The following MICOS10 variants were observed in gnomAD, a reference collection of about 807,000 sequenced individuals.
MICOS10 encodes mitochondrial contact site and cristae organizing system subunit 10.
In MICOS10, 5 loss-of-function variants were observed where a neutral mutation model predicts 13.4. The ratio of observed to expected loss-of-function variants is 0.37; its 90% confidence interval spans 0.20 to 0.78. The LOEUF (loss-of-function observed/expected upper bound fraction) is 0.78, where lower values mean the gene tolerates loss of function less well. MICOS10 is among the 30% of genes least tolerant of loss of function. The pLI, the probability that MICOS10 is intolerant of heterozygous loss-of-function variation, is 0.47. For missense variants in MICOS10, 101 were observed against 94.6 expected, an observed-to-expected ratio of 1.07 and a Z score of -0.28; for synonymous variants, 35 against 33.6, an observed-to-expected ratio of 1.04 and a Z score of -0.15.
At position 19,605,258 on chromosome 1, in the gene MICOS10, T is replaced by A. The variant is rs372710966; in HGVS notation, c.64+8149T>A. Among the ~76,000 whole-genome samples, 9 of 152,216 alleles carry A rather than the reference T, an allele frequency of 5.9e-5. 1 individual carries two copies. Among genetic ancestry groups the A allele is most frequent in the East Asian group, 5.8e-4 (3 of 5,196 alleles). ...AGGAAGTTGTGGAGATTTTTTAAACTACTTTGTTGAGATATATTTCATGGC... is the reference window on the plus strand; with the variant it reads ...AGGAAGTTGTGGAGATTTTTTAAACAACTTTGTTGAGATATATTTCATGGC... On this transcript the variant is annotated intron_variant, in intron 1 of 3. Transcript: ENST00000322753.
intron 3 of MICOS10, 184 bp downstream of exon 3, chr1:19,623,767 G>T (rs909421443): frequency 1.8e-6 from 1 of 545,006 alleles, no homozygotes; most frequent in Admixed American, 3.2e-5. Context: ...AGTCTCCCCT[G>T]TGCCTTCAGA....
chr1:19,599,212 A>G (rs1412676540), intron 1 of MICOS10, among the ~76,000 whole-genome samples: 1 of 152,076 alleles, frequency 6.6e-6, no homozygotes, highest in Non-Finnish European at 1.5e-5. Flanking sequence ...GTGTGCCACC[A>G]TGCTCAACTA....
At chr1:19,601,056 G>A (rs1345361490) in intron 1 of MICOS10, 5 of 1,248,332 alleles carry the variant, frequency 4.0e-6, no homozygotes, top group African/African-American at 1.5e-5. Context: ...CCTGTTTGCT[G>A]TACGATGACT....
intron 3 of MICOS10, chr1:19,625,372 C>A (rs2094918188): frequency 7.8e-7 from 1 of 1,288,168 alleles, no homozygotes; most frequent in Non-Finnish European, 1.0e-6. Flanking sequence ...CCTGCCACGG[C>A]CCTGCACCTG....
intron 3 of MICOS10, 160 bp downstream of exon 3, chr1:19,623,743 T>TGAAG: frequency 1.7e-6 from 1 of 582,952 alleles, no homozygotes; most frequent in Non-Finnish European, 3.0e-6. Context: ...ATGTCATCAC[T>TGAAG]GCTTTGGTGC....
intron 1 of MICOS10, among the ~76,000 whole-genome samples, chr1:19,618,601 G>A (rs1474890333): frequency 6.6e-6 from 1 of 152,154 alleles, no homozygotes; most frequent in Non-Finnish European, 1.5e-5. Context: ...GGCTGGGTAG[G>A]GTTGACTAAT....
At position 19,625,476 on chromosome 1, in the gene MICOS10, A is replaced by C. The variant is rs1205763953; in HGVS notation, c.223-911A>C. 5.4e-6 allele frequency: 7 copies of C among 1,289,326 alleles called. No homozygotes were observed. The Admixed American group carries it at 1.6e-4, about 30-fold the overall frequency. 79.9% of individuals were successfully genotyped at this position (1,289,326 alleles called of 1,614,324 possible). On this transcript the variant is annotated intron_variant, in intron 3 of 3. Coordinates refer to ENST00000322753, the MANE Select transcript of MICOS10 (RefSeq NM_001032363.4). ...AGGGGAGCCATCTCTGCACCAAAGC[A>C]AGAGTGAGGTCATCACAGGGACCAT...
chr1:19,603,696 A>C (rs2094824578), intron 1 of MICOS10, among the ~76,000 whole-genome samples: 1 of 152,258 alleles, frequency 6.6e-6, no homozygotes. Flanking sequence ...AGTTTATTCT[A>C]ATAGAAGTCA....
At chr1:19,608,467 C>T (rs11538775) in intron 1 of MICOS10, 1 of 1,262,148 alleles carries the variant, frequency 7.9e-7, no homozygotes, top group Non-Finnish European at 1.2e-6. Context: ...CCCTCAGAGC[C>T]CTTGCCTGCT....
At chr1:19,616,530 A>G (rs1162000897) in intron 1 of MICOS10, among the ~76,000 whole-genome samples, 2 of 152,326 alleles carry the variant, frequency 1.3e-5, no homozygotes, top group East Asian at 3.9e-4. Context: ...ATTGATTCTA[A>G]GTAATTCAGG....
chr1:19,616,254 G>A (rs1015445158), intron 1 of MICOS10, among the ~76,000 whole-genome samples: 7 of 152,112 alleles, frequency 4.6e-5, no homozygotes, highest in African/African-American at 7.2e-5. Context: ...ATAGGAATAG[G>A]CAGCAACACA....
At chr1:19,610,978 C>T (rs1335421035) in intron 1 of MICOS10, among the ~76,000 whole-genome samples, 3 of 151,602 alleles carry the variant, frequency 2.0e-5, no homozygotes, top group South Asian at 2.1e-4. Context: ...CAGGGTCTCA[C>T]TGTCGCCCAG....
intron 1 of MICOS10, among the ~76,000 whole-genome samples, chr1:19,600,235 T>C (rs932953715): frequency 6.6e-6 from 1 of 152,164 alleles, no homozygotes; most frequent in African/African-American, 2.4e-5. Context: ...CTGGAATAAA[T>C]GGGCATATTT....
chr1:19,623,908 T>C (rs2094913078), intron 3 of MICOS10: 2 of 183,580 alleles, frequency 1.1e-5, no homozygotes, highest in Non-Finnish European at 2.2e-5. Context: ...ATTTAAGAGC[T>C]CAGAGTGCCC....
Position 19,628,758 on chromosome 1 carries a change from A to C in MICOS10, c.*2357A>C, listed in dbSNP as rs2094929917. ...TCCCATCCTCATTCAGGCAGAGAGA[A>C]GAATAACATGCCCCCTTCCAAAAAA... On this transcript the variant is annotated 3_prime_UTR_variant, in exon 4 of 4. Transcript: ENST00000322753. 1.3e-5 allele frequency: 2 copies of C among 152,058 alleles called. No individual in the cohort carries two copies. The highest frequency in any genetic ancestry group is 4.8e-5 in the African/African-American group (2 of 41,406). The allele number at this position is 152,058 out of a possible 1,614,324, so 9.4% of individuals were successfully genotyped here. A position where few individuals can be genotyped will look rare whatever the true frequency, so the allele number is the denominator to read the frequency against.
chr1:19,611,970 CAAAA>C (rs1198566051), intron 1 of MICOS10, among the ~76,000 whole-genome samples: 1 of 91,370 alleles, frequency 1.1e-5, no homozygotes, highest in South Asian at 3.5e-4. Flanking sequence ...GGCTCCATCT[CAAAA>C]AAAAAAAAAA....
Position 19,623,599 on chromosome 1 carries a change from A to G in MICOS10, c.222+16A>G, listed in dbSNP as rs771960402. On this transcript the variant is annotated intron_variant, in intron 3 of 3. Transcript: ENST00000322753. Reference sequence around the variant, plus strand: ...ATATGTCAAAGTATGTACAGAATATATATTTCTCTTTCCTTCAGAAGAAAA... The same window carrying G: ...ATATGTCAAAGTATGTACAGAATATGTATTTCTCTTTCCTTCAGAAGAAAA... 22 of 1,527,244 alleles carry G rather than the reference A, an allele frequency of 1.4e-5. No homozygotes were observed. The highest frequency in any genetic ancestry group is 1.8e-5 in the Non-Finnish European group (20 of 1,105,288). The allele number at this position is 1,527,244 out of a possible 1,614,324, so 94.6% of individuals were successfully genotyped here. A position where few individuals can be genotyped will look rare whatever the true frequency, so the allele number is the denominator to read the frequency against.
chr1:19,600,864 G>A (rs2094811463), intron 1 of MICOS10: 12 of 1,286,382 alleles, frequency 9.3e-6, no homozygotes, highest in Non-Finnish European at 1.2e-5. Context: ...GCCTCCCAAC[G>A]TGCCAGGATT....
Position 19,622,099 on chromosome 1 carries a change from G to T in MICOS10, c.65-1G>T. 6.2e-7 allele frequency: 1 copy of T among 1,610,528 alleles called. No individual in the cohort carries two copies. Among genetic ancestry groups the T allele is most frequent in the Non-Finnish European group, 8.5e-7 (1 of 1,177,464 alleles). ...AGCATGTTTTTTCTCCCTCTTTGTA[G>T]GTACTGGTTTTGGATTAGGAATTGT... On this transcript the variant is annotated splice_acceptor_variant, in intron 1 of 3. Transcript: ENST00000322753. LOFTEE classifies it high-confidence loss of function.
Sources: gnomAD v4.1 joint callset for allele counts (sites outside exome capture counted in the v4.1 genomes callset) on GRCh38, gnomAD v4.1.1 for gene constraint, MANE v1.5 for transcripts, NCBI Gene and HGNC (gene_info 2026-07-23, HGNC 2026-07-21) for gene names.